Variants in PAQR5 observed in about 807,000 individuals in gnomAD.
PAQR5 encodes membrane progestin receptor gamma.
A neutral mutation model predicts 34.5 loss-of-function variants in PAQR5; 20 were observed. That is an observed-to-expected ratio of 0.58 (90% CI 0.41 to 0.84). The LOEUF (loss-of-function observed/expected upper bound fraction) is 0.84. PAQR5 is among the 40% of genes least tolerant of loss of function. PAQR5 has a pLI of 0.00. For missense variants in PAQR5, 378 were observed against 412.7 expected (o/e 0.92, Z 0.73); for synonymous variants, 131 against 155.6 (o/e 0.84, Z 1.18).
chr15:69,382,694 A>G (rs1257469418), intron 4 of PAQR5, among the ~76,000 whole-genome samples: 1,325 of 69,896 alleles, frequency 0.019, 92 homozygotes, highest in African/African-American at 0.067. Context: ...ATATATATAT[A>G]TATATATATA....
chr15:69,329,079 G>T (rs1225156276), intron 1 of PAQR5, among the ~76,000 whole-genome samples: 2 of 152,244 alleles, frequency 1.3e-5, no homozygotes, highest in African/African-American at 4.8e-5. Flanking sequence ...GGTTACCCTG[G>T]GAATGCGGCT....
intron 2 of PAQR5, among the ~76,000 whole-genome samples, chr15:69,340,412 T>C (rs954960665): frequency 6.6e-6 from 1 of 152,208 alleles, no homozygotes; most frequent in African/African-American, 2.4e-5. Flanking sequence ...GATTTCACGA[T>C]CCATTGAGAG....
At chr15:69,403,392 C>A (rs2056694985) in intron 8 of PAQR5, among the ~76,000 whole-genome samples, 189 bp from the exon 9 acceptor site, 1 of 152,148 alleles carries the variant, frequency 6.6e-6, no homozygotes, top group African/African-American at 2.4e-5. Context: ...ATTCTCACCC[C>A]CTGCTTGAGG....
At chr15:69,355,361 TTTC>T (rs1326790600) in intron 2 of PAQR5, among the ~76,000 whole-genome samples, 3 of 36,652 alleles carry the variant, frequency 8.2e-5, no homozygotes, top group Non-Finnish European at 2.0e-4. Flanking sequence ...TCTTTCTTTC[TTTC>T]TTTCTTTCTT....
chr15:69,396,773 G>GCT (rs2056447698), intron 6 of PAQR5: 1 of 238,090 alleles, frequency 4.2e-6, no homozygotes. Context: ...GCCCAAGTCA[G>GCT]CTGAGGCCCT....
chr15:69,364,384 G>T (rs2055325523), intron 3 of PAQR5, among the ~76,000 whole-genome samples: 1 of 149,658 alleles, frequency 6.7e-6, no homozygotes, highest in African/African-American at 2.5e-5. Context: ...CGAGGTGGGT[G>T]ATTTTAAAGC....
chr15:69,368,692 C>T (rs749314941), intron 3 of PAQR5, among the ~76,000 whole-genome samples: 8 of 152,164 alleles, frequency 5.3e-5, no homozygotes, highest in Non-Finnish European at 1.0e-4. Context: ...ATTTTCTCTT[C>T]AGACAGGTCT....
chr15:69,390,302 C>G (rs945172455), intron 6 of PAQR5, among the ~76,000 whole-genome samples: 2 of 151,718 alleles, frequency 1.3e-5, no homozygotes, highest in Non-Finnish European at 2.9e-5. Flanking sequence ...AGGCGTGAGC[C>G]ATGGTGCCTG....
chr15:69,315,429 C>T (rs532911470), intron 1 of PAQR5, among the ~76,000 whole-genome samples: 5 of 152,342 alleles, frequency 3.3e-5, no homozygotes, highest in African/African-American at 9.6e-5. Context: ...TTCGCGTTTT[C>T]CAGCATCCTT....
chr15:69,406,461 G>A lies in PAQR5; in HGVS notation c.*2639G>A, dbSNP rs988324263. 6.6e-6 allele frequency: 1 copy of A among 152,222 alleles called. No individual in the cohort carries two copies. Among genetic ancestry groups the A allele is most frequent in the African/African-American group, 2.4e-5 (1 of 41,438 alleles). 9.4% of individuals were successfully genotyped at this position (152,222 alleles called of 1,614,324 possible). On this transcript the variant is annotated 3_prime_UTR_variant, in exon 9 of 9. Transcript: ENST00000395407. Reference sequence around the variant, plus strand: ...TTTGTGGCTGGTCTGAAGGTAGTGAGTTAGCTCAATTGATTGTTCGCAGTC... The same window carrying A: ...TTTGTGGCTGGTCTGAAGGTAGTGAATTAGCTCAATTGATTGTTCGCAGTC...
intron 3 of PAQR5, among the ~76,000 whole-genome samples, chr15:69,364,115 A>G (rs972649454): frequency 6.6e-6 from 1 of 152,174 alleles, no homozygotes; most frequent in Non-Finnish European, 1.5e-5. Context: ...GTGAAGATCC[A>G]ATAAAAATGA....
intron 1 of PAQR5, among the ~76,000 whole-genome samples, chr15:69,326,726 C>T (rs561519160): frequency 2.3e-4 from 35 of 152,222 alleles, no homozygotes; most frequent in African/African-American, 7.2e-4. Flanking sequence ...CGTGAGCCAC[C>T]GCACCTGGCC....
intron 2 of PAQR5, among the ~76,000 whole-genome samples, chr15:69,351,581 C>T (rs1005844747): frequency 1.3e-5 from 2 of 152,242 alleles, no homozygotes; most frequent in Non-Finnish European, 2.9e-5. Flanking sequence ...GGTATATAAA[C>T]TCTCCAGCCC....
chr15:69,377,769 T>C (rs1456587010), intron 3 of PAQR5, among the ~76,000 whole-genome samples: 2 of 152,142 alleles, frequency 1.3e-5, no homozygotes, highest in African/African-American at 4.8e-5. Context: ...CAGATTTGAC[T>C]CATTACTCTG....
intron 4 of PAQR5, among the ~76,000 whole-genome samples, chr15:69,384,188 T>C (rs2056026664): frequency 7.3e-6 from 1 of 137,774 alleles, no homozygotes; most frequent in Non-Finnish European, 1.5e-5. Flanking sequence ...GCCTCTGTTT[T>C]CACGGTGGAG....
intron 6 of PAQR5, among the ~76,000 whole-genome samples, chr15:69,390,348 A>ATTTTTTTTTTTT (rs67519047): frequency 3.2e-5 from 4 of 124,822 alleles, no homozygotes; most frequent in South Asian, 2.8e-4. Flanking sequence ...TTATTTATTT[A>ATTTTTTTTTTTT]TTTATTTATT....
At chr15:69,389,599 G>A in intron 5 of PAQR5, 55 bp from the exon 6 acceptor site, 24 of 1,609,698 alleles carry the variant, frequency 1.5e-5, no homozygotes, top group Non-Finnish European at 2.0e-5. Flanking sequence ...TTTGCAAGGG[G>A]CCCATGTGGT....
chr15:69,303,064 T>C (rs1464419534), intron 1 of PAQR5, among the ~76,000 whole-genome samples: 2 of 152,150 alleles, frequency 1.3e-5, no homozygotes, highest in Non-Finnish European at 2.9e-5. Flanking sequence ...GCCTTTTGTC[T>C]CTCTCGTTCC....
chr15:69,305,447 T>C (rs1343013948), intron 1 of PAQR5, among the ~76,000 whole-genome samples: 1 of 151,900 alleles, frequency 6.6e-6, no homozygotes, highest in Non-Finnish European at 1.5e-5. Flanking sequence ...CCCTTGGACC[T>C]CATGCTGAGA....
Sources: gnomAD v4.1 joint callset for allele counts (sites outside exome capture counted in the v4.1 genomes callset) on GRCh38, gnomAD v4.1.1 for gene constraint, MANE v1.5 for transcripts, NCBI Gene and HGNC (gene_info 2026-07-23, HGNC 2026-07-21) for gene names.